HIPK3: variants seen among roughly 807,000 people sequenced by gnomAD.
The protein encoded by HIPK3 is homeodomain interacting protein kinase 3.
A neutral mutation model predicts 124.2 loss-of-function variants in HIPK3; 47 were observed. The ratio of observed to expected loss-of-function variants is 0.38; its 90% CI spans 0.30 to 0.48. HIPK3 has a LOEUF of 0.48. Among genes scored for constraint, HIPK3 ranks in the 20% least tolerant of loss-of-function variants. The pLI, the probability that HIPK3 is intolerant of heterozygous loss-of-function variation, is 0.98. For missense variants in HIPK3, 1,286 were observed against 1,454.3 expected, an observed-to-expected ratio of 0.88 and a Z score of 1.88; for synonymous variants, 482 against 515.2, an observed-to-expected ratio of 0.94 and a Z score of 0.87.
chr11:33,258,423 T>C, intron 1 of HIPK3: 1 of 985,490 alleles, frequency 1.0e-6, no homozygotes, highest in South Asian at 4.7e-5. Flanking sequence ...GTCCCCAGCG[T>C]CGCGGAGCAG....
chr11:33,286,396 T>G lies in HIPK3; in HGVS notation c.-2-17T>G. On this transcript the variant is annotated splice_polypyrimidine_tract_variant and intron_variant, in intron 1 of 16. Coordinates refer to ENST00000303296, the MANE Select transcript of HIPK3 (RefSeq NM_005734.5). ...CTTTCCTTTTTTTTCTTTTCCTTTT[T>G]TTTTTTTTTTTTGCAGGTATGGCCT... 8.2e-7 allele frequency: 1 copy of G among 1,221,810 alleles called. No individual in the cohort carries two copies. Among genetic ancestry groups the G allele is most frequent in the Non-Finnish European group, 1.0e-6 (1 of 963,564 alleles). 75.7% of individuals were successfully genotyped at this position (1,221,810 alleles called of 1,614,324 possible). A position where few individuals can be genotyped will look rare whatever the true frequency, so the allele number is the denominator to read the frequency against.
chr11:33,270,586 A>C (rs1369491261), intron 1 of HIPK3, among the ~76,000 whole-genome samples: 1 of 152,246 alleles, frequency 6.6e-6, no homozygotes, highest in Non-Finnish European at 1.5e-5. Flanking sequence ...CAGTGAAAAA[A>C]ATTGGAAAAA....
intron 8 of HIPK3, among the ~76,000 whole-genome samples, chr11:33,343,533 G>A (rs188410416): frequency 6.6e-6 from 1 of 152,246 alleles, no homozygotes; most frequent in Admixed American, 6.5e-5. Flanking sequence ...GCCTGCCTCA[G>A]CCTCTCATAG....
chr11:33,312,242 T>C (rs1852371722), intron 2 of HIPK3, among the ~76,000 whole-genome samples: 1 of 152,200 alleles, frequency 6.6e-6, no homozygotes, highest in South Asian at 2.1e-4. Context: ...ACAATATAAT[T>C]CAGTATATTT....
Position 33,337,209 on chromosome 11 carries a change from A to G in HIPK3, c.1341+15A>G. On this transcript the variant is annotated intron_variant, in intron 4 of 16. Transcript: ENST00000303296. ...GGAGATTAAAGGTAATTCATTAAAA[A>G]ATAGAATATTTAGAAGACTAGTTTT... is the stretch of plus-strand genomic sequence containing the variant. 1 of 1,477,110 alleles carries G rather than the reference A, an allele frequency of 6.8e-7. No homozygotes were observed. The highest frequency in any genetic ancestry group is 9.3e-7 in the Non-Finnish European group (1 of 1,074,142). The allele number at this position is 1,477,110 out of a possible 1,614,324, so 91.5% of individuals were successfully genotyped here. A position where few individuals can be genotyped will look rare whatever the true frequency, so the allele number is the denominator to read the frequency against.
At position 33,257,544 on chromosome 11, in the gene HIPK3, C is replaced by T. The variant is rs111729659; in HGVS notation, c.-348C>T. 6.1e-6 allele frequency: 6 copies of T among 985,608 alleles called. No homozygotes were observed. The highest frequency in any genetic ancestry group is 4.7e-5 in the South Asian group (1 of 21,342). 61.1% of individuals were successfully genotyped at this position (985,608 alleles called of 1,614,324 possible). ...CCGTGGGCCCCGCACCCTGCGTCGC[C>T]CGTAGGCCCCAGTAGCCGGAGGCCG... On this transcript the variant is annotated 5_prime_UTR_variant, in exon 1 of 17. Transcript: ENST00000303296.
intron 8 of HIPK3, among the ~76,000 whole-genome samples, chr11:33,342,451 A>G (rs967196700): frequency 2.6e-5 from 4 of 152,202 alleles, no homozygotes; most frequent in Admixed American, 1.3e-4. Flanking sequence ...ATTGATTTCA[A>G]TTACATTAAT....
At chr11:33,261,765 T>G (rs1377821623) in intron 1 of HIPK3, among the ~76,000 whole-genome samples, 1 of 152,228 alleles carries the variant, frequency 6.6e-6, no homozygotes, top group Non-Finnish European at 1.5e-5. Flanking sequence ...CAATGGTAGT[T>G]CTGTTTTTAG....
At chr11:33,259,074 G>A (rs1850754360) in intron 1 of HIPK3, among the ~76,000 whole-genome samples, 1 of 152,136 alleles carries the variant, frequency 6.6e-6, no homozygotes, top group African/African-American at 2.4e-5. Context: ...TTGGAGATCT[G>A]CTGACACTTT....
intron 2 of HIPK3, among the ~76,000 whole-genome samples, chr11:33,301,147 T>G (rs1361755123): frequency 6.6e-6 from 1 of 152,214 alleles, no homozygotes; most frequent in Non-Finnish European, 1.5e-5. Flanking sequence ...TGACTCTCAT[T>G]AGCCACAATA....
chr11:33,312,592 A>ATTTTCTTAT (rs1852382326), intron 2 of HIPK3, among the ~76,000 whole-genome samples: 2 of 152,236 alleles, frequency 1.3e-5, no homozygotes, highest in Non-Finnish European at 2.9e-5. Context: ...AATGAGAGAC[A>ATTTTCTTAT]GTTTCTGATC....
intron 2 of HIPK3, among the ~76,000 whole-genome samples, chr11:33,326,886 G>T (rs547478698): frequency 1.3e-5 from 2 of 152,118 alleles, no homozygotes; most frequent in East Asian, 3.9e-4. Context: ...TCATTATGTT[G>T]CCCAGGCTGA....
chr11:33,351,014 T>C (rs1853642207), intron 14 of HIPK3, among the ~76,000 whole-genome samples: 2 of 152,230 alleles, frequency 1.3e-5, no homozygotes, highest in Admixed American at 1.3e-4. Flanking sequence ...AATGAGTGGT[T>C]GAAACAGACA....
rs1478762628 is a variant in HIPK3, at chr11:33,346,331, T to C, written c.1898-962T>C. ...AGCATGTTTGTTCTGGAGTTTCAGC[T>C]CTCTGCTAAGAATACTAGTCAATTA... is the stretch of plus-strand genomic sequence containing the variant. On this transcript the variant is annotated intron_variant, in intron 8 of 16. Coordinates refer to ENST00000303296, the MANE Select transcript of HIPK3 (RefSeq NM_005734.5). Among the ~76,000 whole-genome samples the C allele has an allele frequency of 2.0e-5, 3 of 152,162 alleles. No homozygotes were observed. The East Asian group carries it at 5.8e-4, about 29-fold the overall frequency.
At chr11:33,267,315 GT>G (rs1301626520) in intron 1 of HIPK3, among the ~76,000 whole-genome samples, 1 of 151,746 alleles carries the variant, frequency 6.6e-6, no homozygotes, top group Admixed American at 6.6e-5. Context: ...GTTTCACCAT[GT>G]TGGTCAGGCT....
In HIPK3 at chr11:33,338,826, C is replaced by G. The variant is rs1165841647; in HGVS notation, c.1411C>G (p.Leu471Val). The G allele has an allele frequency of 5.6e-6, 9 of 1,611,576 alleles. No individual in the cohort carries two copies. Among genetic ancestry groups the G allele is most frequent in the Non-Finnish European group, 7.6e-6 (9 of 1,178,134 alleles). ...AGCCAGAAAATACATTTTCAACAGT[C>G]TGGATGATGTAGCGCATGTGAGTAC... ...KEARKYIFNS[L>V]DDVAHVNTVM... is the part of the protein sequence containing the mutation. Residue 471 changes from leucine (L) to valine (V), a missense_variant, in exon 5 of 17, where the codon CTG becomes GTG. This residue lies in a region of HIPK3 where 251 missense variants were observed against 349.1 expected (regional missense o/e 0.72). Transcript: ENST00000303296.
At chr11:33,339,259 T>G in intron 5 of HIPK3, 91 bp from the exon 6 acceptor site, 1 of 894,514 alleles carries the variant, frequency 1.1e-6, no homozygotes, top group Non-Finnish European at 1.8e-6. Flanking sequence ...TCTCCTGTGT[T>G]GTGATTTTTG....
At chr11:33,337,653 G>C (rs1267025604) in intron 4 of HIPK3, among the ~76,000 whole-genome samples, 1 of 149,244 alleles carries the variant, frequency 6.7e-6, no homozygotes, top group Non-Finnish European at 1.5e-5. Context: ...ACCATGCCTG[G>C]CCCCGTCCTT....
intron 2 of HIPK3, among the ~76,000 whole-genome samples, chr11:33,326,028 A>G (rs949032761): frequency 6.9e-6 from 1 of 145,914 alleles, no homozygotes; most frequent in African/African-American, 2.4e-5. Context: ...TTAAGGTTCT[A>G]CTGAATCTTA....
Sources: gnomAD v4.1 joint callset for allele counts (sites outside exome capture counted in the v4.1 genomes callset) on GRCh38, gnomAD v4.1.1 for gene constraint, gnomAD v4.1.1 regional missense constraint, MANE v1.5 for transcripts, NCBI Gene and HGNC (gene_info 2026-07-23, HGNC 2026-07-21) for gene names.